DHRS2: variants seen among roughly 807,000 people sequenced by gnomAD.
DHRS2 encodes dehydrogenase/reductase SDR family member 2, mitochondrial.
A neutral mutation model predicts 26.3 loss-of-function variants in DHRS2; 29 were observed. The observed-to-expected ratio is 1.10, with a 90% CI of 0.82 to 1.50. DHRS2 has a LOEUF of 1.50. Ranked by LOEUF, DHRS2 falls within the 40% of genes most tolerant of loss-of-function variation. The pLI, the probability that DHRS2 is intolerant of heterozygous loss-of-function variation, is 0.00. For synonymous variants in DHRS2, 164 were observed against 151.3 expected, an observed-to-expected ratio of 1.08 and a Z score of -0.62; for missense variants, 439 against 367.1, an observed-to-expected ratio of 1.20 and a Z score of -1.60.
intron 7 of DHRS2, 48 bp from the exon 8 acceptor site, chr14:23,644,779 C>T: frequency 6.2e-7 from 1 of 1,604,450 alleles, no homozygotes; most frequent in South Asian, 1.1e-5. Flanking sequence ...GGGCCCTGCC[C>T]ATCTTGTTTT....
chr14:23,640,587 T>A (rs1250600467), intron 4 of DHRS2: 2 of 265,972 alleles, frequency 7.5e-6, no homozygotes, highest in Non-Finnish European at 1.2e-5. Context: ...CCAGAATGCG[T>A]CGTGATGAAT....
At chr14:23,641,737 T>G in intron 4 of DHRS2, 3 of 1,289,688 alleles carry the variant, frequency 2.3e-6, no homozygotes, top group Non-Finnish European at 3.0e-6. Flanking sequence ...TCCCCCACAC[T>G]GGTAACCTGT....
chr14:23,645,093 G>A (rs1308762040), intron 8 of DHRS2, 49 bp from the exon 9 acceptor site: 2 of 1,610,648 alleles, frequency 1.2e-6, no homozygotes, highest in East Asian at 2.2e-5. Flanking sequence ...CCCCAGAGCA[G>A]CAGAATCAGA....
At chr14:23,632,528 G>A (rs577287168), upstream of DHRS2, among the ~76,000 whole-genome samples, 1 of 152,310 alleles carries the variant, frequency 6.6e-6, no homozygotes, top group African/African-American at 2.4e-5. Context: ...CCAAAGCAAA[G>A]CATTTGGTCG....
In DHRS2 at chr14:23,645,360, A is replaced by G. The variant is rs1490629674; in HGVS notation, c.*107A>G. The G allele has an allele frequency of 6.3e-7, 1 of 1,594,484 alleles. No individual in the cohort carries two copies. On this transcript the variant is annotated 3_prime_UTR_variant, in exon 9 of 9. Transcript: ENST00000250383. ...GCAGAGTCTGCCATTCTGCCAGACTAGCAATTTGGGGGCTTACTCATGCTA... is the reference window on the plus strand; with the variant it reads ...GCAGAGTCTGCCATTCTGCCAGACTGGCAATTTGGGGGCTTACTCATGCTA...
rs1890524855 is a variant in DHRS2, at chr14:23,639,357, G to A, written c.318+1G>A. On this transcript the variant is annotated splice_donor_variant, in intron 3 of 8. Transcript: ENST00000250383. LOFTEE classifies it high-confidence loss of function. ...GGACCGGGAGCAGCTGGTGGCCAAG[G>A]TGAGGGGGCAGGCGGTGGAAGGACA... 1 of 1,563,736 alleles carries A rather than the reference G, an allele frequency of 6.4e-7. No homozygotes were observed. Among genetic ancestry groups the A allele is most frequent in the African/African-American group, 1.4e-5 (1 of 73,438 alleles).
At position 23,639,779 on chromosome 14, in the gene DHRS2, ATC is replaced by A; in HGVS notation, c.319-12_319-11del. 6.3e-7 allele frequency: 1 copy of A among 1,593,758 alleles called. No homozygotes were observed. Among genetic ancestry groups the A allele is most frequent in the South Asian group, 1.1e-5 (1 of 88,184 alleles). On this transcript the variant is annotated splice_polypyrimidine_tract_variant and intron_variant, in intron 3 of 8. Coordinates refer to ENST00000250383, the MANE Select transcript of DHRS2 (RefSeq NM_005794.4). Reference sequence around the variant, plus strand: ...CTCAGGCCATCTCCACACTCATCCAATCTCCTCTCCGCAGGCCCTGGAGCACT... The same window carrying A: ...CTCAGGCCATCTCCACACTCATCCAATCCTCTCCGCAGGCCCTGGAGCACT...
At chr14:23,636,927 C>CT (rs138641729) in intron 1 of DHRS2, among the ~76,000 whole-genome samples, 155 bp downstream of exon 1, 1 of 152,186 alleles carries the variant, frequency 6.6e-6, no homozygotes, top group African/African-American at 2.4e-5. Context: ...AAAGGGATCT[C>CT]TAACAACCCC....
intron 1 of DHRS2, among the ~76,000 whole-genome samples, chr14:23,637,313 A>G (rs1890362290): frequency 1.3e-5 from 2 of 152,164 alleles, no homozygotes; most frequent in African/African-American, 4.8e-5. Flanking sequence ...TTCTTTAGGC[A>G]CCTGGGCTCA....
upstream of DHRS2, among the ~76,000 whole-genome samples, chr14:23,635,533 G>A (rs759580282): frequency 4.6e-5 from 7 of 152,148 alleles, no homozygotes; most frequent in Non-Finnish European, 7.4e-5. Context: ...CAACTTCTCC[G>A]TATAATGCCA....
chr14:23,633,640 C>T (rs1431612168), upstream of DHRS2, among the ~76,000 whole-genome samples: 1 of 152,124 alleles, frequency 6.6e-6, no homozygotes, highest in Non-Finnish European at 1.5e-5. Context: ...AGGAGTGGAG[C>T]CTGTGTTCAA....
Position 23,638,946 on chromosome 14 carries a change from A to G in DHRS2, c.82A>G (p.Ile28Val). The change falls in exon 2 of 9, where the codon ATA becomes GTA. Residue 28 changes from isoleucine to valine, a missense_variant. By Grantham distance (29) the Ile-to-Val change is conservative. Transcript: ENST00000250383. ...TTCTGTGAGGATGAGCAGCACCGGG[A>G]TAGACAGGAAGGGCGTCCTGGCTAA... Reference protein sequence around the residue: ...RLSVRMSSTGIDRKGVLANRV... With the variant: ...RLSVRMSSTGVDRKGVLANRV... The G allele has an allele frequency of 6.2e-7, 1 of 1,614,148 alleles. No homozygotes were observed. The highest frequency in any genetic ancestry group is 8.5e-7 in the Non-Finnish European group (1 of 1,180,042).
intron 7 of DHRS2, 35 bp from the exon 8 acceptor site, chr14:23,644,792 T>A (rs765970134): frequency 3.1e-6 from 5 of 1,612,250 alleles, no homozygotes; most frequent in Non-Finnish European, 4.2e-6. Flanking sequence ...CTTGTTTTAG[T>A]AGCACTGACT....
chr14:23,633,330 A>G (rs1566695397), upstream of DHRS2, among the ~76,000 whole-genome samples: 1 of 152,160 alleles, frequency 6.6e-6, no homozygotes, highest in African/African-American at 2.4e-5. Flanking sequence ...GAGAGCTTCA[A>G]TCAGCACCGG....
intron 5 of DHRS2, chr14:23,643,792 C>T (rs1036426400): frequency 2.4e-6 from 1 of 416,318 alleles, no homozygotes; most frequent in Non-Finnish European, 4.5e-6. Flanking sequence ...TTGATAGGCA[C>T]TCACCATCAG....
chr14:23,634,055 C>T (rs917692562), upstream of DHRS2, among the ~76,000 whole-genome samples: 2 of 128,318 alleles, frequency 1.6e-5, no homozygotes, highest in Non-Finnish European at 3.1e-5. Flanking sequence ...TTAGTTTGCC[C>T]CTTCTTTTTT....
chr14:23,637,336 A>T (rs1890365952), intron 1 of DHRS2, among the ~76,000 whole-genome samples: 2 of 152,164 alleles, frequency 1.3e-5, no homozygotes, highest in African/African-American at 4.8e-5. Context: ...AATCAGAAAG[A>T]CATAATTTTT....
At chr14:23,644,208 C>T in intron 6 of DHRS2, 46 bp downstream of exon 6, 2 of 1,603,392 alleles carry the variant, frequency 1.2e-6, no homozygotes, top group Non-Finnish European at 1.7e-6. Context: ...GGGTGAGGGG[C>T]AACTTTGTTC....
At chr14:23,637,823 A>G (rs1297026235) in intron 1 of DHRS2, among the ~76,000 whole-genome samples, 2 of 152,168 alleles carry the variant, frequency 1.3e-5, no homozygotes, top group African/African-American at 4.8e-5. Flanking sequence ...AAACACAGCA[A>G]TCAGCACTCT....
Sources: gnomAD v4.1 joint callset for allele counts (sites outside exome capture counted in the v4.1 genomes callset) on GRCh38, gnomAD v4.1.1 for gene constraint, MANE v1.5 for transcripts, NCBI Gene and HGNC (gene_info 2026-07-23, HGNC 2026-07-21) for gene names.